NF1: variants seen among roughly 807,000 people sequenced by gnomAD.
NF1 encodes neurofibromin.
In NF1, 122 loss-of-function variants were observed where a neutral mutation model predicts 325.7. The ratio of observed to expected loss-of-function variants is 0.37; its 90% CI spans 0.32 to 0.44. The LOEUF is 0.44. NF1 is among the 20% of genes least tolerant of loss of function. NF1 has a pLI of 1.00. For synonymous variants in NF1, 1,091 were observed against 1,186.0 expected, an observed-to-expected ratio of 0.92 and a Z score of 1.65; for missense variants, 2,140 against 3,415.4, an observed-to-expected ratio of 0.63 and a Z score of 9.31.
In NF1 at chr17:31,319,465, T is replaced by G. The variant is rs80294633; in HGVS notation, c.4836-6355T>G. Among the ~76,000 whole-genome samples, 472 of 152,222 alleles carry G rather than the reference T, an allele frequency of 3.1e-3. 2 individuals are homozygous for G. Among genetic ancestry groups the G allele is most frequent in the African/African-American group, 0.011 (447 of 41,534 alleles). On this transcript the variant is annotated intron_variant, in intron 36 of 57. Coordinates refer to ENST00000358273, the MANE Select transcript of NF1 (RefSeq NM_001042492.3). ...TTACAGAAGAAATGTGGCCTTGAGC[T>G]TCTTGCTTCATGTATGAAATAAATG...
At chr17:31,160,996 T>C (rs965522175) in intron 3 of NF1, among the ~76,000 whole-genome samples, 1 of 152,232 alleles carries the variant, frequency 6.6e-6, no homozygotes, top group African/African-American at 2.4e-5. Context: ...GAACAATTGT[T>C]TTATTTCCTT....
At chr17:31,196,015 T>TA (rs2066428141) in intron 8 of NF1, among the ~76,000 whole-genome samples, 1 of 152,142 alleles carries the variant, frequency 6.6e-6, no homozygotes, top group African/African-American at 2.4e-5. Flanking sequence ...CTGTTGTTTT[T>TA]AAAGTCACTT....
Position 31,350,415 on chromosome 17 carries a change from T to C in NF1, c.7457+97T>C, listed in dbSNP as rs1394165039. 2.8e-6 allele frequency: 3 copies of C among 1,066,776 alleles called. No homozygotes were observed. In the East Asian group the frequency reaches 7.1e-5, roughly 25 times the overall value. 66.1% of individuals were successfully genotyped at this position (1,066,776 alleles called of 1,614,324 possible). A position where few individuals can be genotyped will look rare whatever the true frequency, so the allele number is the denominator to read the frequency against. On this transcript the variant is annotated intron_variant, in intron 50 of 57. Coordinates refer to ENST00000358273, the MANE Select transcript of NF1 (RefSeq NM_001042492.3). Reference sequence around the variant, plus strand: ...CAGCAGAGTAATCTAGAAGGTAACATGGGAGAAATCTAGAGATGGCCTAGG... The same window carrying C: ...CAGCAGAGTAATCTAGAAGGTAACACGGGAGAAATCTAGAGATGGCCTAGG...
chr17:31,210,281 G>C (rs571559219), intron 12 of NF1, among the ~76,000 whole-genome samples: 1 of 152,092 alleles, frequency 6.6e-6, no homozygotes, highest in Non-Finnish European at 1.5e-5. Context: ...TACTTGATGT[G>C]GTTTCAAAAT....
chr17:31,223,647 C>A (rs2144018560), intron 16 of NF1, 80 bp downstream of exon 16: 2 of 1,382,504 alleles, frequency 1.4e-6, no homozygotes, highest in South Asian at 1.2e-5. Flanking sequence ...GTTTTATAGC[C>A]AAATTAGGTT....
intron 57 of NF1, chr17:31,360,974 C>G: frequency 2.1e-6 from 1 of 469,282 alleles, no homozygotes; most frequent in Non-Finnish European, 3.9e-6. Context: ...GGAAGAGGAA[C>G]TTAAAACACA....
chr17:31,353,283 A>G (rs1364546094), intron 51 of NF1, among the ~76,000 whole-genome samples: 7 of 152,180 alleles, frequency 4.6e-5, no homozygotes, highest in Non-Finnish European at 8.8e-5. Flanking sequence ...TGAGAAGTAC[A>G]CCTGAAATGC....
At chr17:31,346,840 T>A (rs28579491) in intron 48 of NF1, among the ~76,000 whole-genome samples, 4 of 143,992 alleles carry the variant, frequency 2.8e-5, no homozygotes, top group African/African-American at 7.9e-5. Flanking sequence ...TTTTTTTTTT[T>A]ACATCTGTTT....
rs2069750010 is a variant in NF1 at position 31,338,883 on chromosome 17, AAAT to A, written c.6921+81_6921+83del. 3 of 934,748 alleles carry A rather than the reference AAAT, an allele frequency of 3.2e-6. No individual in the cohort carries two copies. The East Asian group carries it at 7.3e-5, about 23-fold the overall frequency. 57.9% of individuals were successfully genotyped at this position (934,748 alleles called of 1,614,324 possible). On this transcript the variant is annotated intron_variant, in intron 46 of 57. Transcript: ENST00000358273. ...GTTACTTTCTTTCAAAGAGTTTAGA[AAAT>A]AAGATGAATTGAGAATAAGTTATAA...
At chr17:31,291,890 G>A (rs892841294) in intron 36 of NF1, among the ~76,000 whole-genome samples, 5 of 152,184 alleles carry the variant, frequency 3.3e-5, no homozygotes, top group African/African-American at 9.7e-5. Context: ...TGCTCTCAGT[G>A]TGTAGAGCTG....
intron 57 of NF1, among the ~76,000 whole-genome samples, chr17:31,370,304 C>T (rs781620236): frequency 3.4e-4 from 52 of 151,926 alleles, no homozygotes; most frequent in Non-Finnish European, 5.4e-4. Flanking sequence ...AATTAATGTG[C>T]TCATTAGGAA....
At chr17:31,255,317 A>G (rs1004298591) in intron 31 of NF1, among the ~76,000 whole-genome samples, 1 of 152,152 alleles carries the variant, frequency 6.6e-6, no homozygotes, top group Non-Finnish European at 1.5e-5. Context: ...TTTTATGCAG[A>G]ATGTCTTTTG....
intron 1 of NF1, among the ~76,000 whole-genome samples, chr17:31,126,060 C>T (rs939484585): frequency 6.6e-6 from 1 of 152,136 alleles, no homozygotes; most frequent in African/African-American, 2.4e-5. Flanking sequence ...TTGTGGCATG[C>T]ACCTGTAGTG....
At chr17:31,181,230 G>A (rs2066126237) in intron 5 of NF1, among the ~76,000 whole-genome samples, 192 bp from the exon 6 acceptor site, 1 of 152,108 alleles carries the variant, frequency 6.6e-6, no homozygotes, top group South Asian at 2.1e-4. Context: ...AGGCATATTT[G>A]CTGTTTATGG....
At chr17:31,098,367 A>AT (rs965845783) in intron 1 of NF1, among the ~76,000 whole-genome samples, 5 of 151,480 alleles carry the variant, frequency 3.3e-5, no homozygotes, top group African/African-American at 7.3e-5. Context: ...ACTTTATTTT[A>AT]TTTTTTTTAT....
chr17:31,160,807 T>C (rs1022485426), intron 3 of NF1, among the ~76,000 whole-genome samples: 3 of 152,212 alleles, frequency 2.0e-5, no homozygotes, highest in Non-Finnish European at 4.4e-5. Flanking sequence ...CCGATATTAT[T>C]GGCCTCTGTT....
In NF1 at chr17:31,210,198, A is replaced by C. The variant is rs549423814; in HGVS notation, c.1392+3827A>C. ...TGGCTTAATCAACACTGAATCCCTA[A>C]CGTTTGAACAACATCTGATACATAT... On this transcript the variant is annotated intron_variant, in intron 12 of 57. Transcript: ENST00000358273. Among the ~76,000 whole-genome samples the C allele has an allele frequency of 3.3e-5, 5 of 152,294 alleles. No homozygotes were observed. In the South Asian group the frequency reaches 1.0e-3, roughly 32 times the overall value.
Position 31,364,325 on chromosome 17 carries a change from A to G in NF1, c.8377+3622A>G, listed in dbSNP as rs372197073. Reference sequence around the variant, plus strand: ...AAACAGATAAAGGTTCCATTGCCCTATTTCAAAAAGCAAATGTTGCTGATC... The same window carrying G: ...AAACAGATAAAGGTTCCATTGCCCTGTTTCAAAAAGCAAATGTTGCTGATC... On this transcript the variant is annotated intron_variant, in intron 57 of 57. Transcript: ENST00000358273. Among the ~76,000 whole-genome samples the G allele has an allele frequency of 3.7e-4, 57 of 152,320 alleles. 1 individual carries two copies. The highest frequency in any genetic ancestry group is 1.3e-3 in the African/African-American group (52 of 41,578).
intron 1 of NF1, among the ~76,000 whole-genome samples, chr17:31,147,067 A>G (rs1451607732): frequency 6.6e-6 from 1 of 152,268 alleles, no homozygotes; most frequent in Non-Finnish European, 1.5e-5. Flanking sequence ...GGATTTAAAC[A>G]TATATTTAGC....
Sources: allele counts gnomAD v4.1 joint callset (sites outside exome capture counted in the v4.1 genomes callset), GRCh38; gene constraint gnomAD v4.1.1; transcripts MANE v1.5; gene names NCBI Gene and HGNC (gene_info 2026-07-23, HGNC 2026-07-21).